RGS7: variants seen among roughly 807,000 people sequenced by gnomAD.
RGS7 encodes the protein regulator of G protein signaling 7.
Under a neutral mutation model 81.1 loss-of-function variants are expected in RGS7, and 27 were observed. That is an observed-to-expected ratio of 0.33 (90% CI 0.25 to 0.46). The LOEUF (loss-of-function observed/expected upper bound fraction) is 0.46. RGS7 is among the 20% of genes least tolerant of loss of function. The pLI is 1.00. For missense variants in RGS7, 396 were observed against 607.4 expected (o/e 0.65, Z 3.66); for synonymous variants, 208 against 207.7 (o/e 1.00, Z -0.01).
intron 18 of RGS7, among the ~76,000 whole-genome samples, chr1:240,799,770 A>G (rs16840647): frequency 0.042 from 6,351 of 152,290 alleles, 142 homozygotes; most frequent in East Asian, 0.11. Flanking sequence ...TACTTTCTAC[A>G]TGGTCCCAAG....
intron 2 of RGS7, among the ~76,000 whole-genome samples, chr1:241,317,503 T>A (rs2080951677): frequency 6.6e-6 from 1 of 152,144 alleles, no homozygotes; most frequent in African/African-American, 2.4e-5. Context: ...TACGTCTCCC[T>A]ATGTGCACAA....
intron 10 of RGS7, among the ~76,000 whole-genome samples, chr1:240,821,859 T>G (rs1211416207): frequency 6.6e-6 from 1 of 152,156 alleles, no homozygotes; most frequent in Admixed American, 6.5e-5. Context: ...GGGTGCTAAG[T>G]TACAGGAGGG....
chr1:240,842,596 T>C (rs971022110), intron 9 of RGS7, among the ~76,000 whole-genome samples: 10 of 145,978 alleles, frequency 6.9e-5, no homozygotes, highest in African/African-American at 2.5e-4. Flanking sequence ...TTAGGCCAAA[T>C]ATCAGATTTA....
At chr1:241,137,380 AT>A in intron 2 of RGS7, among the ~76,000 whole-genome samples, 1 of 152,330 alleles carries the variant, frequency 6.6e-6, no homozygotes, top group East Asian at 1.9e-4. Flanking sequence ...TGAACCTATT[AT>A]TAATGATTTA....
chr1:241,221,149 G>T (rs1038547071), intron 2 of RGS7, among the ~76,000 whole-genome samples: 4 of 143,600 alleles, frequency 2.8e-5, no homozygotes, highest in African/African-American at 1.0e-4. Context: ...AAAGAAAAAA[G>T]AAAACAAAAG....
chr1:241,346,000 C>T (rs1234379670), intron 2 of RGS7, among the ~76,000 whole-genome samples: 2 of 151,788 alleles, frequency 1.3e-5, no homozygotes, highest in East Asian at 1.9e-4. Flanking sequence ...GGTGATGGAG[C>T]GAGAGTCCGT....
At chr1:240,791,652 G>A (rs1272951242) in intron 18 of RGS7, among the ~76,000 whole-genome samples, 1 of 152,152 alleles carries the variant, frequency 6.6e-6, no homozygotes, top group East Asian at 1.9e-4. Flanking sequence ...TTTAGACTAA[G>A]CAAGAGAAAA....
intron 9 of RGS7, among the ~76,000 whole-genome samples, chr1:240,841,332 A>G (rs1284869168): frequency 6.6e-6 from 1 of 152,160 alleles, no homozygotes; most frequent in Admixed American, 6.5e-5. Flanking sequence ...ATCTTGACCT[A>G]CAAATATCCA....
In RGS7 at chr1:240,918,461, A is replaced by G. The variant is rs978124586; in HGVS notation, c.385+12256T>C. Reference sequence around the variant, plus strand: ...ACAGAAAGAAGCTGGAAAATCTCAAAGTACCTAAAAATTAAACAGTACACT... The same window carrying G: ...ACAGAAAGAAGCTGGAAAATCTCAAGGTACCTAAAAATTAAACAGTACACT... On this transcript the variant is annotated intron_variant, in intron 6 of 18. Transcript: ENST00000440928. Among the ~76,000 whole-genome samples the G allele has an allele frequency of 4.6e-5, 7 of 152,286 alleles. No homozygotes were observed. The East Asian group carries it at 1.3e-3, about 29-fold the overall frequency.
Position 241,271,995 on chromosome 1 carries a change from TTTTA to T in RGS7, c.78+83700_78+83703del, listed in dbSNP as rs2077932922. On this transcript the variant is annotated intron_variant, in intron 2 of 18. Transcript: ENST00000440928. This position sits in a 1 kb window ranked among gnomAD's most constrained non-coding sequence, Gnocchi z 4.6. ...ACTACTAGAATTTCTTTTTTTTTTT[TTTTA>T]TTTTTATTTTTTGAGATGGAGTCTC... 7.0e-6 allele frequency among the ~76,000 whole-genome samples: 1 copy of T among 142,510 alleles called. No individual in the cohort carries two copies. 93.5% of individuals were successfully genotyped at this position (142,510 alleles called of 152,430 possible). A position where few individuals can be genotyped will look rare whatever the true frequency, so the allele number is the denominator to read the frequency against.
chr1:240,973,871 C>A (rs1002816213), intron 4 of RGS7, among the ~76,000 whole-genome samples: 1 of 152,150 alleles, frequency 6.6e-6, no homozygotes, highest in South Asian at 2.1e-4. Context: ...TGAGCCACTG[C>A]GCCCGGCCAG....
intron 4 of RGS7, among the ~76,000 whole-genome samples, chr1:240,976,902 CATCT>C (rs1448418407): frequency 1.3e-5 from 1 of 79,502 alleles, no homozygotes; most frequent in Non-Finnish European, 2.9e-5. Flanking sequence ...ATCTATCATC[CATCT>C]ATTATCTTTC....
At chr1:241,001,911 T>C (rs1242345895) in intron 3 of RGS7, among the ~76,000 whole-genome samples, 1 of 152,142 alleles carries the variant, frequency 6.6e-6, no homozygotes, top group Non-Finnish European at 1.5e-5. Context: ...ATGTATACTA[T>C]GGCCCCTGTG....
chr1:241,124,410 A>C (rs1235485339), intron 2 of RGS7, among the ~76,000 whole-genome samples: 1 of 152,140 alleles, frequency 6.6e-6, no homozygotes, highest in Non-Finnish European at 1.5e-5. Context: ...AAAAATAAAA[A>C]AGAAAGAAAA....
chr1:241,324,378 TC>T (rs1286623574), intron 2 of RGS7, among the ~76,000 whole-genome samples: 1 of 152,086 alleles, frequency 6.6e-6, no homozygotes, highest in Non-Finnish European at 1.5e-5. Context: ...AAACCTAGAT[TC>T]TTTATTTTTC....
intron 2 of RGS7, among the ~76,000 whole-genome samples, chr1:241,103,327 G>A (rs1328176440): frequency 6.6e-6 from 1 of 152,140 alleles, no homozygotes; most frequent in Non-Finnish European, 1.5e-5. Context: ...AGGAAACTGG[G>A]CATGGGAGAA....
Position 240,811,923 on chromosome 1 carries a change from A to G in RGS7, c.1077T>C (p.Asn359=). 2 of 1,612,594 alleles carry G rather than the reference A, an allele frequency of 1.2e-6. No individual in the cohort carries two copies. Among genetic ancestry groups the G allele is most frequent in the Non-Finnish European group, 1.7e-6 (2 of 1,178,708 alleles). The part of the protein sequence containing the change: ...KFLESEFSSE[N]LRFWLAVEDL... ...ATCCAAGCAATGTGTTTTACCTTAA[A>G]TTTTCCGAGCTGAATTCTGACTCTA... is the stretch of plus-strand genomic sequence containing the variant. Residue 359 remains asparagine, a synonymous_variant, in exon 14 of 19, where the codon AAT becomes AAC. Transcript: ENST00000440928.
At chr1:240,892,477 A>G (rs1294607579) in intron 6 of RGS7, among the ~76,000 whole-genome samples, 1 of 152,174 alleles carries the variant, frequency 6.6e-6, no homozygotes, top group African/African-American at 2.4e-5. Flanking sequence ...GAAATTCAGA[A>G]ATGGTCATCT....
intron 2 of RGS7, among the ~76,000 whole-genome samples, chr1:241,191,818 C>T (rs2072675487): frequency 6.6e-6 from 1 of 152,146 alleles, no homozygotes; most frequent in African/African-American, 2.4e-5. Context: ...TGTTGGTTTA[C>T]TTGTAATTTG....
Sources: gnomAD v4.1 joint callset for allele counts (sites outside exome capture counted in the v4.1 genomes callset) on GRCh38, gnomAD v4.1.1 for gene constraint, Gnocchi (gnomAD v3.1) non-coding constraint, MANE v1.5 for transcripts, NCBI Gene and HGNC (gene_info 2026-07-23, HGNC 2026-07-21) for gene names.